The following RTTN variants were observed in gnomAD, a reference collection of about 807,000 sequenced individuals.
RTTN encodes rotatin.
RTTN carries 182 observed loss-of-function variants against 269.2 expected under a neutral mutation model. That is an observed-to-expected ratio of 0.68 (90% CI 0.60 to 0.76). RTTN has a LOEUF of 0.76. RTTN is among the 30% of genes least tolerant of loss of function. RTTN has a pLI of 0.00. For synonymous variants in RTTN, 1,006 were observed against 963.5 expected (o/e 1.04, Z -0.82); for missense variants, 2,545 against 2,608.6 (o/e 0.98, Z 0.53).
At chr18:70,192,809 G>T (rs935784096) in intron 8 of RTTN, among the ~76,000 whole-genome samples, 5 of 151,594 alleles carry the variant, frequency 3.3e-5, no homozygotes, top group African/African-American at 1.2e-4. Flanking sequence ...TTTGTTATAA[G>T]ACTTACAAAA....
chr18:70,109,352 A>T (rs1354915680), intron 28 of RTTN, 146 bp downstream of exon 28: 8 of 573,596 alleles, frequency 1.4e-5, no homozygotes, highest in Admixed American at 3.2e-5. Context: ...TATTAATAAA[A>T]ATCACTAAAA....
At chr18:70,176,144 C>T (rs2061287231) in intron 11 of RTTN, among the ~76,000 whole-genome samples, 1 of 150,384 alleles carries the variant, frequency 6.6e-6, no homozygotes, top group Non-Finnish European at 1.5e-5. Flanking sequence ...ATTAAAGAAA[C>T]CAAAGAAGTC....
rs797045926 is a variant in RTTN, at chr18:70,197,677, T to C, written c.640A>G (p.Ile214Val). The C allele has an allele frequency of 2.9e-5, 46 of 1,613,918 alleles. No individual in the cohort carries two copies. Among genetic ancestry groups the C allele is most frequent in the Admixed American group, 3.3e-5 (2 of 60,010 alleles). ...WNTCELLKDV[I>V]MQDFPAEIFL... Reference sequence around the variant, plus strand: ...ATCTCAGCAGGAAAATCTTGCATGATAACATCCTTCAATAGTTCACAGGTG... The same window carrying C: ...ATCTCAGCAGGAAAATCTTGCATGACAACATCCTTCAATAGTTCACAGGTG... Residue 214 changes from isoleucine (I) to valine (V), a missense_variant, in exon 6 of 49, where the codon ATC becomes GTC. Physicochemically the swap from Ile to Val is conservative, Grantham distance 29 (BLOSUM62 3). Coordinates refer to ENST00000640769, the MANE Select transcript of RTTN (RefSeq NM_173630.4).
chr18:70,089,611 G>A (rs531706493), intron 30 of RTTN, among the ~76,000 whole-genome samples: 1 of 152,280 alleles, frequency 6.6e-6, no homozygotes, highest in South Asian at 2.1e-4. Context: ...TTTTGAGGTG[G>A]ATGCCAGAAA....
intron 46 of RTTN, among the ~76,000 whole-genome samples, chr18:70,013,717 T>C (rs1037575101): frequency 3.9e-5 from 6 of 152,186 alleles, no homozygotes; most frequent in South Asian, 2.1e-4. Context: ...CTTAATACAA[T>C]TGGTTTAAGT....
At chr18:70,165,154 G>A (rs1000986970) in intron 14 of RTTN, among the ~76,000 whole-genome samples, 2 of 151,956 alleles carry the variant, frequency 1.3e-5, no homozygotes, top group Non-Finnish European at 2.9e-5. Flanking sequence ...TCAATAAAAA[G>A]GAGACTGAAC....
Position 70,186,978 on chromosome 18 carries a change from C to T in RTTN, c.1305+1130G>A, listed in dbSNP as rs145671709. ...AAACCCCCATGACACAGTTTACCTA[C>T]ATAACAAACCTGCACACGTACCGCT... On this transcript the variant is annotated intron_variant, in intron 10 of 48. Coordinates refer to ENST00000640769, the MANE Select transcript of RTTN (RefSeq NM_173630.4). Among the ~76,000 whole-genome samples, 770 of 152,222 alleles carry T rather than the reference C, an allele frequency of 5.1e-3. 6 individuals carry two copies. The highest frequency in any genetic ancestry group is 0.018 in the African/African-American group (728 of 41,552).
At chr18:70,068,374 A>C (rs1019811522) in intron 34 of RTTN, among the ~76,000 whole-genome samples, 6 of 152,240 alleles carry the variant, frequency 3.9e-5, no homozygotes, top group Middle Eastern at 3.2e-3. Flanking sequence ...CCACAAGTTA[A>C]GGGATTTGTC....
chr18:70,160,106 C>T (rs111897663), intron 14 of RTTN, among the ~76,000 whole-genome samples: 8,950 of 152,066 alleles, frequency 0.059, 306 homozygotes, highest in East Asian at 0.11. Flanking sequence ...ATCCTGATAC[C>T]AAACCCTAGC....
chr18:70,205,458 G>T, intron 1 of RTTN, 143 bp from the exon 2 acceptor site: 1 of 1,361,278 alleles, frequency 7.3e-7, no homozygotes, highest in Admixed American at 1.9e-5. Flanking sequence ...GACGCGAACC[G>T]CGAAGTTTAC....
At chr18:70,011,476 C>T (rs942705267) in intron 46 of RTTN, among the ~76,000 whole-genome samples, 1 of 152,140 alleles carries the variant, frequency 6.6e-6, no homozygotes, top group African/African-American at 2.4e-5. Flanking sequence ...TAAACAGAGC[C>T]AACGACAAAA....
At chr18:70,205,094 T>G (rs768945425) in intron 2 of RTTN, 34 bp downstream of exon 2, 1 of 1,580,996 alleles carries the variant, frequency 6.3e-7, no homozygotes, top group Non-Finnish European at 8.7e-7. Context: ...AAGTCACTCG[T>G]CTGATTATTT....
intron 14 of RTTN, among the ~76,000 whole-genome samples, chr18:70,153,464 T>C (rs934454386): frequency 6.6e-6 from 1 of 152,250 alleles, no homozygotes; most frequent in Middle Eastern, 3.4e-3. Context: ...CCAGTAAATA[T>C]TGCTAAATGA....
chr18:70,193,474 T>G, intron 7 of RTTN, 21 bp from the exon 8 acceptor site: 1 of 1,454,880 alleles, frequency 6.9e-7, no homozygotes, highest in Non-Finnish European at 9.2e-7. Flanking sequence ...AAAGAAAAAA[T>G]AAAATTATTC....
intron 9 of RTTN, among the ~76,000 whole-genome samples, chr18:70,189,877 G>A (rs535805146): frequency 1.0e-3 from 154 of 152,282 alleles, no homozygotes; most frequent in African/African-American, 3.5e-3. Flanking sequence ...CCATTGTTCA[G>A]TACAATTACA....
intron 46 of RTTN, among the ~76,000 whole-genome samples, chr18:70,014,846 T>G (rs1170108163): frequency 6.6e-6 from 1 of 152,088 alleles, no homozygotes; most frequent in African/African-American, 2.4e-5. Flanking sequence ...CCCTCGATAC[T>G]CCTCAACAAA....
At chr18:70,199,277 T>C (rs2061891114) in intron 5 of RTTN, 137 bp downstream of exon 5, 1 of 450,680 alleles carries the variant, frequency 2.2e-6, no homozygotes, top group Admixed American at 4.2e-5. Flanking sequence ...TTTTGAAAAA[T>C]AAAAATCATT....
chr18:70,014,946 C>G (rs1011091956), intron 46 of RTTN, among the ~76,000 whole-genome samples: 6 of 152,188 alleles, frequency 3.9e-5, no homozygotes, highest in African/African-American at 1.4e-4. Flanking sequence ...TCAATCAAAA[C>G]TGGACTGGGA....
At chr18:70,146,260 C>T (rs1021316872) in intron 17 of RTTN, among the ~76,000 whole-genome samples, 1 of 152,094 alleles carries the variant, frequency 6.6e-6, no homozygotes, top group Non-Finnish European at 1.5e-5. Flanking sequence ...CAAACAGATT[C>T]CTGTCAAATA....
Sources: allele counts gnomAD v4.1 joint callset (sites outside exome capture counted in the v4.1 genomes callset), GRCh38; gene constraint gnomAD v4.1.1; transcripts MANE v1.5; gene names NCBI Gene and HGNC (gene_info 2026-07-23, HGNC 2026-07-21).